CELF2: variants seen among roughly 807,000 people sequenced by gnomAD.
CELF2 encodes CUG triplet repeat RNA-binding protein 2.
In CELF2, 8 loss-of-function variants were observed where a neutral mutation model predicts 62.6. That is an observed-to-expected ratio of 0.13 (90% CI 0.07 to 0.23). CELF2 has a LOEUF of 0.23. CELF2 is among the 10% of genes least tolerant of loss of function. The probability of loss-of-function intolerance (pLI) is 1.00; values close to 1 mark genes in which losing one functional copy is unlikely to be tolerated. For missense variants in CELF2, 333 were observed against 671.0 expected (o/e 0.50, Z 5.56); for synonymous variants, 258 against 250.0 (o/e 1.03, Z -0.30).
In CELF2 at chr10:11,162,780, C is replaced by T. The variant is rs2066017813; in HGVS notation, c.75-2706C>T. On this transcript the variant is annotated intron_variant, in intron 1 of 12. Transcript: ENST00000633077. ...ACTCATTTCAGATGCTTCACAGATG[C>T]AAAGAAGGAATTAACAGTAGGAATA... is the stretch of plus-strand genomic sequence containing the variant. 2.0e-5 allele frequency among the ~76,000 whole-genome samples: 3 copies of T among 152,180 alleles called. No homozygotes were observed. In the South Asian group the frequency reaches 6.2e-4, roughly 32 times the overall value.
At chr10:11,028,624 T>C (rs976726254) in intron 1 of CELF2, among the ~76,000 whole-genome samples, 12 of 151,898 alleles carry the variant, frequency 7.9e-5, no homozygotes, top group African/African-American at 2.7e-4. Flanking sequence ...TTTCACCATG[T>C]TGGCCAGGCT....
intron 3 of CELF2, among the ~76,000 whole-genome samples, chr10:11,239,081 T>A (rs1367196029): frequency 6.6e-6 from 1 of 152,158 alleles, no homozygotes; most frequent in Non-Finnish European, 1.5e-5. Context: ...TGACAGCCGA[T>A]TAGAGTAATC....
chr10:11,236,876 G>T lies in CELF2; in HGVS notation c.355-12277G>T, dbSNP rs374454869. Among the ~76,000 whole-genome samples, 23 of 152,338 alleles carry T rather than the reference G, an allele frequency of 1.5e-4. 1 individual carries two copies. The highest frequency in any genetic ancestry group is 5.1e-4 in the African/African-American group (21 of 41,566). ...ACAGCAGAAGTTCATGGAATAGGGG[G>T]TTGCCTGATTCCACTAGAAGAGAGA... is the stretch of plus-strand genomic sequence containing the variant. On this transcript the variant is annotated intron_variant, in intron 3 of 12. Coordinates refer to ENST00000633077, the MANE Select transcript of CELF2 (RefSeq NM_001326342.2).
intron 1 of CELF2, among the ~76,000 whole-genome samples, chr10:11,058,866 G>T (rs923917624): frequency 2.6e-5 from 4 of 152,136 alleles, no homozygotes; most frequent in Non-Finnish European, 5.9e-5. Context: ...CTGCCACCTG[G>T]AGTTCCTGGC....
the CELF2 span, among the ~76,000 whole-genome samples, chr10:10,661,642 T>G: frequency 1.3e-5 from 2 of 152,216 alleles, no homozygotes; most frequent in African/African-American, 4.8e-5. Context: ...GATATATAAG[T>G]GATGATAACT....
At chr10:10,663,917 G>T in the CELF2 span, among the ~76,000 whole-genome samples, 19 of 152,186 alleles carry the variant, frequency 1.2e-4, no homozygotes, top group Non-Finnish European at 1.8e-4. Flanking sequence ...CCATTTTGTT[G>T]TAAGTGACAT....
chr10:11,150,977 A>G (rs759068133), intron 1 of CELF2, among the ~76,000 whole-genome samples: 2 of 152,174 alleles, frequency 1.3e-5, no homozygotes, highest in Non-Finnish European at 2.9e-5. Context: ...TAAATATTCA[A>G]CTCCCCAACA....
chr10:11,135,197 T>C (rs2060240763), intron 1 of CELF2, among the ~76,000 whole-genome samples: 1 of 152,266 alleles, frequency 6.6e-6, no homozygotes. Context: ...TGCTGTTTAA[T>C]GCTCTCTCTT....
At chr10:10,793,990 A>G (rs1002541418), upstream of CELF2, among the ~76,000 whole-genome samples, 21 of 152,120 alleles carry the variant, frequency 1.4e-4, no homozygotes, top group South Asian at 1.0e-3. Flanking sequence ...TTTTTTTGGT[A>G]TAAGTATATC....
At position 11,010,260 on chromosome 10, in the gene CELF2, C is replaced by T. The variant is rs1017733306; in HGVS notation, c.53+4820C>T. The T allele has an allele frequency of 2.0e-5, 3 of 152,176 alleles. No homozygotes were observed. Among genetic ancestry groups the T allele is most frequent in the Admixed American group, 2.0e-4 (3 of 15,274 alleles). The allele number at this position is 152,176 out of a possible 1,614,324, so 9.4% of individuals were successfully genotyped here. A position where few individuals can be genotyped will look rare whatever the true frequency, so the allele number is the denominator to read the frequency against. ...GATTTGATAAAAACGAATGGAGACC[C>T]CATTCCAAGCCTCAGGATGTTCGGT... is the stretch of plus-strand genomic sequence containing the variant. On this transcript the variant is annotated intron_variant, in intron 1 of 12. Coordinates refer to the CELF2 transcript ENST00000416382. The surrounding 1 kb of genome is among the most constrained non-coding windows in gnomAD (Gnocchi z 4.1).
intron 10 of CELF2, among the ~76,000 whole-genome samples, chr10:11,320,586 ACAT>A (rs72027590): frequency 0.076 from 11,507 of 152,200 alleles, 568 homozygotes; most frequent in Non-Finnish European, 0.11. Context: ...CTAGTCCCTG[ACAT>A]CATCATTCAG....
rs1046519238 is a variant in CELF2, at chr10:11,332,792, T to C, written c.*3739T>C. ...CGTTTCCTTCTTATAGCACATGCAC[T>C]TCCTTACAATGACATGATTTGTATT... On this transcript the variant is annotated 3_prime_UTR_variant, in exon 13 of 13. Coordinates refer to ENST00000633077, the MANE Select transcript of CELF2 (RefSeq NM_001326342.2). 3 of 152,716 alleles carry C rather than the reference T, an allele frequency of 2.0e-5. No homozygotes were observed. The highest frequency in any genetic ancestry group is 7.2e-5 in the African/African-American group (3 of 41,472). The allele number at this position is 152,716 out of a possible 1,614,324, so 9.5% of individuals were successfully genotyped here. A position where few individuals can be genotyped will look rare whatever the true frequency, so the allele number is the denominator to read the frequency against.
chr10:11,197,042 A>AAAGAAAGAAAGAAAG (rs2057974279), intron 2 of CELF2, among the ~76,000 whole-genome samples: 1 of 18,600 alleles, frequency 5.4e-5, no homozygotes, highest in Admixed American at 3.2e-4. Context: ...AGAAAGAAAG[A>AAAGAAAGAAAGAAAG]AAGAAAGAAA....
At chr10:10,777,939 G>A in the CELF2 span, among the ~76,000 whole-genome samples, 536 of 152,138 alleles carry the variant, frequency 3.5e-3, 4 homozygotes, top group African/African-American at 0.012. Context: ...TTCTTCAGCC[G>A]CACCCCTTTT....
the CELF2 span, among the ~76,000 whole-genome samples, chr10:10,635,807 G>A: frequency 1.3e-5 from 2 of 152,090 alleles, no homozygotes; most frequent in East Asian, 1.9e-4. Flanking sequence ...TCTCCAAAAC[G>A]AGGTAGTCAC....
At chr10:10,777,346 A>G in the CELF2 span, among the ~76,000 whole-genome samples, 1 of 152,208 alleles carries the variant, frequency 6.6e-6, no homozygotes, top group East Asian at 1.9e-4. Flanking sequence ...TACTTCCTAG[A>G]CTGAATTCAT....
chr10:10,644,476 T>G, the CELF2 span, among the ~76,000 whole-genome samples: 1 of 152,016 alleles, frequency 6.6e-6, no homozygotes, highest in Non-Finnish European at 1.5e-5. Flanking sequence ...TCAGCTTGAT[T>G]CTTACAGGTC....
In CELF2 at chr10:10,997,222, G is replaced by A. The variant is rs184388034; in HGVS notation, c.89+77223G>A. 4.6e-5 allele frequency among the ~76,000 whole-genome samples: 7 copies of A among 152,230 alleles called. No individual in the cohort carries two copies. The highest frequency in any genetic ancestry group is 3.3e-4 in the Admixed American group (5 of 15,270). On this transcript the variant is annotated intron_variant, in intron 2 of 13. Coordinates refer to the CELF2 transcript ENST00000636488. The surrounding 1 kb of genome is among the most constrained non-coding windows in gnomAD (Gnocchi z 5.3). Reference sequence around the variant, plus strand: ...CATGTGGGTGATAATGCAGATTTACGGGATGGCTCTCATAGCTAAGTGATG... The same window carrying A: ...CATGTGGGTGATAATGCAGATTTACAGGATGGCTCTCATAGCTAAGTGATG...
At chr10:10,892,208 G>C (rs934212541) in intron 1 of CELF2, among the ~76,000 whole-genome samples, 1 of 152,166 alleles carries the variant, frequency 6.6e-6, no homozygotes, top group African/African-American at 2.4e-5. Context: ...GCATAGATTT[G>C]CTAAAAACCC....
Sources: allele counts gnomAD v4.1 joint callset (sites outside exome capture counted in the v4.1 genomes callset), GRCh38; gene constraint gnomAD v4.1.1; non-coding constraint Gnocchi (gnomAD v3.1); transcripts MANE v1.5; gene names NCBI Gene and HGNC (gene_info 2026-07-23, HGNC 2026-07-21).